PLA2G15: variants seen among roughly 807,000 people sequenced by gnomAD.
The protein encoded by PLA2G15 is lysosomal phospholipase A and acyltransferase.
In PLA2G15, 20 loss-of-function variants were observed where a neutral mutation model predicts 40.9. The ratio of observed to expected loss-of-function variants is 0.49; its 90% CI spans 0.34 to 0.71. PLA2G15 has a LOEUF of 0.71. Ranked by LOEUF, PLA2G15 falls within the 30% of genes least tolerant of loss-of-function variation. The pLI is 0.01. For synonymous variants in PLA2G15, 223 were observed against 228.2 expected (o/e 0.98, Z 0.21); for missense variants, 471 against 541.9 (o/e 0.87, Z 1.30).
At position 68,255,459 on chromosome 16, in the gene PLA2G15, C is replaced by A. The variant is rs1227072772; in HGVS notation, c.502+79C>A. ...GATCATGGGCACCACAGACCTTGGGCTCTCCCCTTGTCCTTGGCTGTCTCC... is the reference window on the plus strand; with the variant it reads ...GATCATGGGCACCACAGACCTTGGGATCTCCCCTTGTCCTTGGCTGTCTCC... On this transcript the variant is annotated intron_variant, in intron 4 of 5. Coordinates refer to ENST00000219345, the MANE Select transcript of PLA2G15 (RefSeq NM_012320.4). The surrounding 1 kb of genome is among the most constrained non-coding windows in gnomAD (Gnocchi z 5.9). The A allele has an allele frequency of 2.0e-6, 2 of 975,786 alleles. No individual in the cohort carries two copies. The highest frequency in any genetic ancestry group is 3.1e-6 in the Non-Finnish European group (2 of 650,938). 60.4% of individuals were successfully genotyped at this position (975,786 alleles called of 1,614,324 possible). A position where few individuals can be genotyped will look rare whatever the true frequency, so the allele number is the denominator to read the frequency against.
intron 2 of PLA2G15, among the ~76,000 whole-genome samples, chr16:68,253,707 T>TTTTTTG (rs2042375158): frequency 1.4e-5 from 2 of 146,456 alleles, no homozygotes; most frequent in African/African-American, 2.5e-5. Context: ...TTTTTTTTTT[T>TTTTTTG]GAGACAGGGT....
intron 2 of PLA2G15, chr16:68,250,174 C>CTTTTTTTT (rs1175749953): frequency 3.0e-5 from 4 of 134,268 alleles, no homozygotes; most frequent in South Asian, 8.0e-5. Context: ...CTTCCATTCA[C>CTTTTTTTT]TTTTTTTTTT....
intron 2 of PLA2G15, among the ~76,000 whole-genome samples, chr16:68,251,956 CCTT>C (rs2042358506): frequency 6.6e-6 from 1 of 151,884 alleles, no homozygotes; most frequent in African/African-American, 2.4e-5. Flanking sequence ...TTTGATGACT[CCTT>C]CCTCCTCTGT....
intron 1 of PLA2G15, 57 bp downstream of exon 1, chr16:68,245,610 G>T: frequency 6.5e-7 from 1 of 1,531,816 alleles, no homozygotes; most frequent in Non-Finnish European, 8.8e-7. Flanking sequence ...CCGCGGGCGG[G>T]GCTGCCTTCC....
At chr16:68,248,678 C>G in intron 1 of PLA2G15, 1 of 988,772 alleles carries the variant, frequency 1.0e-6, no homozygotes, top group South Asian at 3.8e-5. Context: ...TGAGCCCCTG[C>G]GCCCTGCCTC....
chr16:68,245,983 C>T (rs1271727774), intron 1 of PLA2G15, among the ~76,000 whole-genome samples: 26 of 152,192 alleles, frequency 1.7e-4, no homozygotes, highest in Non-Finnish European at 2.9e-5. Context: ...CCTCCAATGC[C>T]ACATATGCCA....
intron 2 of PLA2G15, among the ~76,000 whole-genome samples, chr16:68,252,334 G>A (rs1447715603): frequency 2.0e-5 from 3 of 152,106 alleles, no homozygotes; most frequent in African/African-American, 7.2e-5. Flanking sequence ...TGGGCAAGTG[G>A]GACTCAGGAC....
rs138261353 is a variant in PLA2G15 at position 68,259,305 on chromosome 16, G to C, written c.887G>C (p.Arg296Pro). Residue 296 changes from arginine (R) to proline (P), a missense_variant, in exon 6 of 6, where the codon CGC (arginine) becomes CCC (proline). Coordinates refer to ENST00000219345, the MANE Select transcript of PLA2G15 (RefSeq NM_012320.4). This position sits in a 1 kb window ranked among gnomAD's most constrained non-coding sequence, Gnocchi z 6.5. ...ATCAACTACACACTGCGGGACTACCGCAAGTTCTTCCAGGACATCGGCTTT... is the reference window on the plus strand; with the variant it reads ...ATCAACTACACACTGCGGGACTACCCCAAGTTCTTCCAGGACATCGGCTTT... ...PTINYTLRDY[R>P]KFFQDIGFED... The C allele has an allele frequency of 8.3e-5, 134 of 1,613,948 alleles. 1 individual carries two copies. Among genetic ancestry groups the C allele is most frequent in the Non-Finnish European group, 1.0e-4 (122 of 1,180,058 alleles).
Position 68,259,321 on chromosome 16 carries a change from C to T in PLA2G15, c.903C>T (p.Asp301=), listed in dbSNP as rs761450917. 8 of 1,614,064 alleles carry T rather than the reference C, an allele frequency of 5.0e-6. No individual in the cohort carries two copies. Among genetic ancestry groups the T allele is most frequent in the Middle Eastern group, 1.6e-4 (1 of 6,062 alleles). The change falls in exon 6 of 6, where the codon GAC becomes GAT. Residue 301 remains aspartate, a synonymous_variant. Coordinates refer to ENST00000219345, the MANE Select transcript of PLA2G15 (RefSeq NM_012320.4). This position sits in a 1 kb window ranked among gnomAD's most constrained non-coding sequence, Gnocchi z 6.5. ...GGGACTACCGCAAGTTCTTCCAGGA[C>T]ATCGGCTTTGAAGATGGCTGGCTCA... ...TLRDYRKFFQ[D]IGFEDGWLMR...
chr16:68,251,322 G>A (rs1275450198), intron 2 of PLA2G15, among the ~76,000 whole-genome samples: 7 of 152,174 alleles, frequency 4.6e-5, no homozygotes, highest in Non-Finnish European at 7.3e-5. Context: ...TATCCTTATA[G>A]CAGTAGAACC....
At chr16:68,257,850 T>C (rs2042414197) in intron 5 of PLA2G15, among the ~76,000 whole-genome samples, 1 of 152,214 alleles carries the variant, frequency 6.6e-6, no homozygotes, top group Non-Finnish European at 1.5e-5. Flanking sequence ...TGAGTCCCCT[T>C]AGAGCTTTGT....
At chr16:68,256,878 ATT>A (rs759192096) in intron 5 of PLA2G15, among the ~76,000 whole-genome samples, 53 of 133,344 alleles carry the variant, frequency 4.0e-4, no homozygotes, top group Admixed American at 5.3e-4. Flanking sequence ...AGGCTAGAGC[ATT>A]TTTTTTTTTT....
chr16:68,245,841 T>G (rs2151200616), intron 1 of PLA2G15, among the ~76,000 whole-genome samples: 1 of 152,076 alleles, frequency 6.6e-6, no homozygotes, highest in East Asian at 1.9e-4. Context: ...TTGCCTCCCC[T>G]TATCCCATTT....
intron 2 of PLA2G15, among the ~76,000 whole-genome samples, chr16:68,250,631 A>G (rs1047968411): frequency 2.6e-5 from 4 of 152,112 alleles, no homozygotes; most frequent in African/African-American, 9.7e-5. Flanking sequence ...TAATCCCATC[A>G]CTTTGGGAGG....
At chr16:68,256,878 A>AT (rs759192096) in intron 5 of PLA2G15, among the ~76,000 whole-genome samples, 6,161 of 133,464 alleles carry the variant, frequency 0.046, 148 homozygotes, top group Middle Eastern at 0.11. Flanking sequence ...AGGCTAGAGC[A>AT]TTTTTTTTTT....
intron 5 of PLA2G15, chr16:68,258,739 T>A (rs2042420033): frequency 5.4e-6 from 1 of 186,562 alleles, no homozygotes; most frequent in African/African-American, 2.4e-5. Context: ...GCCAAGACTG[T>A]ACCACTGCAC....
chr16:68,254,331 A>ATTTG (rs2042382593), intron 2 of PLA2G15: 1 of 148,850 alleles, frequency 6.7e-6, no homozygotes, highest in Non-Finnish European at 1.5e-5. Flanking sequence ...TTATTTATTT[A>ATTTG]TTTATTTATT....
chr16:68,246,793 T>C (rs1311936801), intron 1 of PLA2G15, among the ~76,000 whole-genome samples: 2 of 152,008 alleles, frequency 1.3e-5, no homozygotes, highest in Admixed American at 1.3e-4. Context: ...GAGTAATGGG[T>C]CGGGGAGAGA....
intron 2 of PLA2G15, among the ~76,000 whole-genome samples, chr16:68,251,841 C>T (rs1393124632): frequency 3.5e-5 from 5 of 143,110 alleles, no homozygotes; most frequent in African/African-American, 1.3e-4. Context: ...GCCTGGGTGA[C>T]AGAGCGAGAC....
Sources: gnomAD v4.1 joint callset for allele counts (sites outside exome capture counted in the v4.1 genomes callset) on GRCh38, gnomAD v4.1.1 for gene constraint, Gnocchi (gnomAD v3.1) non-coding constraint, MANE v1.5 for transcripts, NCBI Gene and HGNC (gene_info 2026-07-23, HGNC 2026-07-21) for gene names.